TRHDE: variants seen among roughly 807,000 people sequenced by gnomAD.
The protein encoded by TRHDE is thyrotropin releasing hormone degrading enzyme, also known as thyrotropin-releasing hormone-degrading ectoenzyme.
In TRHDE, 72 loss-of-function variants were observed where a neutral mutation model predicts 125.7. The observed-to-expected ratio is 0.57, with a 90% confidence interval of 0.47 to 0.70. The LOEUF is 0.70. Ranked by LOEUF, TRHDE falls within the 30% of genes least tolerant of loss-of-function variation. The probability of loss-of-function intolerance (pLI) is 0.00; values close to 1 mark genes in which losing one functional copy is unlikely to be tolerated. For synonymous variants in TRHDE, 509 were observed against 509.1 expected (o/e 1.00, Z 0.00); for missense variants, 1,110 against 1,327.1 (o/e 0.84, Z 2.54).
intron 2 of TRHDE, among the ~76,000 whole-genome samples, chr12:72,358,750 C>T (rs1472852053): frequency 6.6e-6 from 1 of 151,570 alleles, no homozygotes; most frequent in Non-Finnish European, 1.5e-5. Flanking sequence ...TGACCTACCT[C>T]TGACAATCTT....
intron 2 of TRHDE, among the ~76,000 whole-genome samples, chr12:72,182,469 T>C (rs930051523): frequency 6.6e-6 from 1 of 152,178 alleles, no homozygotes; most frequent in African/African-American, 2.4e-5. Context: ...TAAATGTGAG[T>C]TGGAAAATCA....
chr12:72,225,719 A>G (rs559706006), intron 2 of TRHDE, among the ~76,000 whole-genome samples: 3 of 152,292 alleles, frequency 2.0e-5, no homozygotes, highest in Non-Finnish European at 4.4e-5. Context: ...TGTATTCCTA[A>G]AGAAACCAGG....
At chr12:72,546,822 C>G (rs1196613573) in intron 7 of TRHDE, among the ~76,000 whole-genome samples, 1 of 151,612 alleles carries the variant, frequency 6.6e-6, no homozygotes, top group Admixed American at 6.6e-5. Context: ...TCTCAGCTGC[C>G]TAGAGTACAC....
intron 9 of TRHDE, among the ~76,000 whole-genome samples, chr12:72,563,319 C>G (rs1445175352): frequency 7.2e-5 from 11 of 152,002 alleles, no homozygotes; most frequent in African/African-American, 2.7e-4. Context: ...TCACTTTTCC[C>G]CATGAATGTT....
chr12:72,411,019 C>T (rs879285436), intron 3 of TRHDE, among the ~76,000 whole-genome samples: 1 of 151,872 alleles, frequency 6.6e-6, no homozygotes, highest in Non-Finnish European at 1.5e-5. Context: ...AGTGAAACCA[C>T]GTCTCTACTA....
intron 2 of TRHDE, among the ~76,000 whole-genome samples, chr12:72,288,393 T>C (rs1879969542): frequency 6.6e-6 from 1 of 152,156 alleles, no homozygotes; most frequent in Admixed American, 6.5e-5. Context: ...GAAAAACTGC[T>C]TATAATGAAT....
intron 3 of TRHDE, among the ~76,000 whole-genome samples, chr12:72,466,345 G>A (rs956563782): frequency 9.9e-5 from 15 of 152,224 alleles, no homozygotes; most frequent in Non-Finnish European, 1.2e-4. Flanking sequence ...CTTGACGACC[G>A]ACTACTCTTG....
intron 2 of TRHDE, among the ~76,000 whole-genome samples, chr12:72,288,287 T>C (rs1879965941): frequency 1.3e-5 from 2 of 152,160 alleles, no homozygotes; most frequent in Non-Finnish European, 2.9e-5. Flanking sequence ...TAGTTTTGGC[T>C]AAAGAAATTT....
At chr12:72,578,120 A>G (rs1871081052) in intron 12 of TRHDE, among the ~76,000 whole-genome samples, 1 of 152,218 alleles carries the variant, frequency 6.6e-6, no homozygotes, top group Non-Finnish European at 1.5e-5. Context: ...TTCTTTAAAG[A>G]TAACACATAA....
intron 2 of TRHDE, among the ~76,000 whole-genome samples, chr12:72,164,568 T>C (rs1157731252): frequency 6.6e-6 from 1 of 152,146 alleles, no homozygotes; most frequent in Non-Finnish European, 1.5e-5. Flanking sequence ...ATGTCCACCT[T>C]ACATACAGTC....
intron 3 of TRHDE, among the ~76,000 whole-genome samples, chr12:72,424,096 G>A (rs1225356187): frequency 6.6e-6 from 1 of 152,132 alleles, no homozygotes; most frequent in Non-Finnish European, 1.5e-5. Context: ...AACAACAAAT[G>A]TGTTTTCTCA....
chr12:72,426,233 C>T (rs1363422517), intron 3 of TRHDE, among the ~76,000 whole-genome samples: 1 of 151,980 alleles, frequency 6.6e-6, no homozygotes, highest in Non-Finnish European at 1.5e-5. Context: ...CATATTTTCT[C>T]TCTGTTGAAT....
intron 3 of TRHDE, among the ~76,000 whole-genome samples, chr12:72,467,309 C>T (rs914830719): frequency 3.8e-4 from 57 of 151,910 alleles, no homozygotes; most frequent in Middle Eastern, 3.4e-3. Flanking sequence ...GTTCAATTCC[C>T]TATTTACCTT....
intron 6 of TRHDE, among the ~76,000 whole-genome samples, chr12:72,500,432 G>T (rs1187923468): frequency 6.6e-6 from 1 of 151,872 alleles, no homozygotes. Context: ...TCACTCTGTC[G>T]CCAGGCTGGA....
At chr12:72,380,423 T>C (rs886184061) in intron 3 of TRHDE, among the ~76,000 whole-genome samples, 2 of 152,120 alleles carry the variant, frequency 1.3e-5, no homozygotes, top group South Asian at 2.1e-4. Flanking sequence ...GGGCATGGGA[T>C]AGGGGCTGAG....
At chr12:72,558,086 G>A (rs1870006615) in intron 7 of TRHDE, among the ~76,000 whole-genome samples, 2 of 151,934 alleles carry the variant, frequency 1.3e-5, no homozygotes, top group South Asian at 4.2e-4. Context: ...GTACCAGACT[G>A]GGCACAAAGA....
chr12:72,330,882 G>C (rs1869562163), intron 2 of TRHDE, among the ~76,000 whole-genome samples: 1 of 152,086 alleles, frequency 6.6e-6, no homozygotes, highest in Non-Finnish European at 1.5e-5. Context: ...AGGAAGACTT[G>C]TTGCAACACA....
chr12:72,284,259 C>T (rs1879798667), intron 1 of TRHDE, among the ~76,000 whole-genome samples: 1 of 152,118 alleles, frequency 6.6e-6, no homozygotes, highest in Non-Finnish European at 1.5e-5. Flanking sequence ...GCATAAAGCT[C>T]ACACATAGCA....
At chr12:72,554,317 T>G (rs1210757159) in intron 7 of TRHDE, among the ~76,000 whole-genome samples, 1 of 152,186 alleles carries the variant, frequency 6.6e-6, no homozygotes, top group Non-Finnish European at 1.5e-5. Flanking sequence ...AGTCGTTTAT[T>G]TGTTTTATAT....
Sources: allele counts gnomAD v4.1 joint callset (sites outside exome capture counted in the v4.1 genomes callset), GRCh38; gene constraint gnomAD v4.1.1; transcripts MANE v1.5; gene names NCBI Gene and HGNC (gene_info 2026-07-23, HGNC 2026-07-21).